AFG2A: variants seen among roughly 807,000 people sequenced by gnomAD.
AFG2A encodes ATPase family gene 2 protein homolog A.
At chr4:122,930,364 G>A in the AFG2A span, among the ~76,000 whole-genome samples, 2 of 151,948 alleles carry the variant, frequency 1.3e-5, no homozygotes, top group African/African-American at 4.8e-5. Context: ...GTAATAGTTT[G>A]GGGGATGTGT....
At chr4:122,969,756 C>T in the AFG2A span, among the ~76,000 whole-genome samples, 14 of 152,210 alleles carry the variant, frequency 9.2e-5, no homozygotes, top group Non-Finnish European at 1.8e-4. Context: ...AATTTCCCTC[C>T]AGGTAGTTTG....
the AFG2A span, among the ~76,000 whole-genome samples, chr4:123,169,601 C>T: frequency 6.6e-6 from 1 of 152,198 alleles, no homozygotes; most frequent in African/African-American, 2.4e-5. Flanking sequence ...GCCTCAGCCT[C>T]CCAAGTAGCT....
the AFG2A span, among the ~76,000 whole-genome samples, chr4:123,034,379 C>G: frequency 6.6e-6 from 1 of 151,832 alleles, no homozygotes; most frequent in Non-Finnish European, 1.5e-5. Context: ...TAACCCCTCT[C>G]CAACCATGAG....
At chr4:123,167,779 T>A in the AFG2A span, among the ~76,000 whole-genome samples, 7 of 152,234 alleles carry the variant, frequency 4.6e-5, no homozygotes, top group Non-Finnish European at 1.0e-4. Flanking sequence ...CCATGGTAGC[T>A]TGGTTCCAAC....
chr4:123,238,016 G>T, the AFG2A span, among the ~76,000 whole-genome samples: 1 of 152,234 alleles, frequency 6.6e-6, no homozygotes, highest in African/African-American at 2.4e-5. Context: ...GGCAGACAAG[G>T]AGATTCTCTC....
chr4:123,082,660 C>T, the AFG2A span, among the ~76,000 whole-genome samples: 4 of 151,822 alleles, frequency 2.6e-5, no homozygotes, highest in Non-Finnish European at 2.9e-5. Flanking sequence ...GATCTTTTGC[C>T]TCTCAGTATA....
the AFG2A span, among the ~76,000 whole-genome samples, chr4:123,310,403 G>A: frequency 6.6e-6 from 1 of 152,278 alleles, no homozygotes; most frequent in East Asian, 1.9e-4. Flanking sequence ...TGTAATCCGT[G>A]TTTTCTTTCT....
the AFG2A span, among the ~76,000 whole-genome samples, chr4:122,996,023 T>C: frequency 6.6e-6 from 1 of 152,214 alleles, no homozygotes; most frequent in South Asian, 2.1e-4. Flanking sequence ...CATAGTGTGA[T>C]CTTTCCAAAA....
the AFG2A span, among the ~76,000 whole-genome samples, chr4:123,228,593 A>G: frequency 6.6e-6 from 1 of 152,162 alleles, no homozygotes; most frequent in East Asian, 1.9e-4. Flanking sequence ...TACATATTGT[A>G]AACCAGAAAT....
the AFG2A span, among the ~76,000 whole-genome samples, chr4:122,992,964 G>A: frequency 5.1e-5 from 5 of 97,632 alleles, no homozygotes; most frequent in African/African-American, 1.6e-4. Flanking sequence ...ATTTGTGTGT[G>A]TGTGTGTGTG....
At chr4:123,264,805 AG>A in the AFG2A span, among the ~76,000 whole-genome samples, 1 of 152,178 alleles carries the variant, frequency 6.6e-6, no homozygotes, top group South Asian at 2.1e-4. Context: ...TCTTGTAATA[AG>A]GGGATAGGAA....
chr4:122,954,179 A>G, the AFG2A span, among the ~76,000 whole-genome samples: 160 of 152,256 alleles, frequency 1.1e-3, no homozygotes, highest in African/African-American at 3.8e-3. Flanking sequence ...TTGGCACCAT[A>G]GAGGTGCTGC....
chr4:123,316,833 G>C, the AFG2A span: 4 of 152,298 alleles, frequency 2.6e-5, no homozygotes, highest in African/African-American at 9.6e-5. Flanking sequence ...CTCAGCACAA[G>C]GGTAGACAAG....
chr4:122,976,069 G>A, the AFG2A span, among the ~76,000 whole-genome samples: 8 of 152,106 alleles, frequency 5.3e-5, no homozygotes, highest in African/African-American at 1.9e-4. Flanking sequence ...ACAAAATGAT[G>A]GAGTGGTATC....
the AFG2A span, chr4:122,934,865 G>T: frequency 1.7e-6 from 2 of 1,211,818 alleles, no homozygotes; most frequent in East Asian, 5.2e-5. Flanking sequence ...TATGGTAGAA[G>T]ATTTCAGTTG....
the AFG2A span, among the ~76,000 whole-genome samples, chr4:122,996,541 G>A: frequency 6.6e-6 from 1 of 151,312 alleles, no homozygotes; most frequent in African/African-American, 2.4e-5. Flanking sequence ...AGGTAAAGAG[G>A]TAGCTAGGTA....
the AFG2A span, among the ~76,000 whole-genome samples, chr4:123,157,916 G>A: frequency 1.8e-4 from 28 of 152,302 alleles, 1 homozygote; most frequent in South Asian, 5.6e-3. Context: ...GAACTAAGTC[G>A]ATAGCATTGG....
chr4:123,292,426 G>T, the AFG2A span, among the ~76,000 whole-genome samples: 1 of 152,088 alleles, frequency 6.6e-6, no homozygotes, highest in East Asian at 1.9e-4. Flanking sequence ...TCTTTGGAGG[G>T]TGTTGTAGAA....
At chr4:123,277,586 C>T in the AFG2A span, among the ~76,000 whole-genome samples, 2 of 152,148 alleles carry the variant, frequency 1.3e-5, no homozygotes, top group East Asian at 3.8e-4. Flanking sequence ...ATCTTTTGCC[C>T]ATTCAGTATG....
Sources: gnomAD v4.1 joint callset for allele counts (sites outside exome capture counted in the v4.1 genomes callset) on GRCh38, gnomAD v4.1.1 for gene constraint, MANE v1.5 for transcripts, NCBI Gene and HGNC (gene_info 2026-07-23, HGNC 2026-07-21) for gene names.